The following RPLP2 variants were observed in gnomAD, a reference collection of about 807,000 sequenced individuals.
RPLP2 encodes large ribosomal subunit protein P2.
RPLP2 carries 1 observed loss-of-function variant against 11.5 expected under a neutral mutation model. The ratio of observed to expected loss-of-function variants is 0.09; its 90% CI spans 0.03 to 0.41. The LOEUF (loss-of-function observed/expected upper bound fraction) is 0.41. RPLP2 is among the 10% of genes least tolerant of loss of function. The pLI is 0.98. For synonymous variants in RPLP2, 82 were observed against 55.9 expected, an observed-to-expected ratio of 1.47 and a Z score of -2.08; for missense variants, 177 against 145.6, an observed-to-expected ratio of 1.22 and a Z score of -1.11.
rs756980594 is a variant in RPLP2, at chr11:812,871, C to T, written c.*35C>T. ...CCCCTGCAAATAAAGCCTTTTTACA[C>T]ATCTCTCAAGTATTCCATGAGCACT... On this transcript the variant is annotated 3_prime_UTR_variant, in exon 5 of 5. Coordinates refer to ENST00000321153, the MANE Select transcript of RPLP2 (RefSeq NM_001004.4). 1.2e-6 allele frequency: 2 copies of T among 1,606,212 alleles called. No individual in the cohort carries two copies.
chr11:811,510 A>C (rs1403640681), intron 2 of RPLP2, 87 bp from the exon 3 acceptor site: 8 of 1,538,318 alleles, frequency 5.2e-6, no homozygotes, highest in Non-Finnish European at 6.3e-6. Context: ...CATGTGGGGA[A>C]CCCAGTCCTG....
chr11:812,300 C>T, intron 3 of RPLP2: 3 of 570,612 alleles, frequency 5.3e-6, no homozygotes, highest in Non-Finnish European at 9.4e-6. Flanking sequence ...GGCAGGCAGG[C>T]AGTGTGGGCC....
chr11:812,137 T>G (rs138860783), intron 3 of RPLP2: 4 of 379,932 alleles, frequency 1.1e-5, no homozygotes, highest in Non-Finnish European at 2.0e-5. Context: ...CTTCCATGCA[T>G]GTGACCACGA....
chr11:812,489 C>T, intron 3 of RPLP2, 46 bp from the exon 4 acceptor site: 1 of 1,600,824 alleles, frequency 6.2e-7, no homozygotes, highest in Non-Finnish European at 8.5e-7. Context: ...GGAACAGCCT[C>T]CCAGGCTGGG....
rs200379305 is a variant in RPLP2 at position 811,591 on chromosome 11, C to T, written c.124-6C>T. 3.8e-4 allele frequency: 615 copies of T among 1,614,062 alleles called. No homozygotes were observed. The highest frequency in any genetic ancestry group is 4.9e-4 in the Non-Finnish European group (574 of 1,180,006). ...CTGGTAACAGCCCTGTGATTGTCTG[C>T]TTCAGGTTATCAGTGAGCTGAATGG... On this transcript the variant is annotated splice_region_variant and splice_polypyrimidine_tract_variant and intron_variant, in intron 2 of 4. Transcript: ENST00000321153.
At chr11:810,849 G>A (rs575495979) in intron 2 of RPLP2, among the ~76,000 whole-genome samples, 1 of 149,736 alleles carries the variant, frequency 6.7e-6, no homozygotes, top group Non-Finnish European at 1.5e-5. Context: ...ACAAGCTTTG[G>A]AAGTTTAATA....
intron 4 of RPLP2, 39 bp from the exon 5 acceptor site, chr11:812,721 C>G (rs1189013569): frequency 1.2e-6 from 2 of 1,613,026 alleles, no homozygotes; most frequent in Non-Finnish European, 1.7e-6. Flanking sequence ...TGGCCTGGCA[C>G]TTGGGCAGTG....
intron 3 of RPLP2, chr11:811,960 C>T: frequency 1.8e-6 from 1 of 562,650 alleles, no homozygotes; most frequent in South Asian, 1.8e-5. Context: ...TTCACGTCAG[C>T]AGTCCTTACC....
intron 2 of RPLP2, 43 bp downstream of exon 2, chr11:810,400 G>A (rs1281510561): frequency 1.3e-6 from 2 of 1,583,128 alleles, no homozygotes; most frequent in East Asian, 2.3e-5. Context: ...GGGCCCCAGT[G>A]TCCCATACAG....
Position 812,764 on chromosome 11 carries a change from G to A in RPLP2, c.276G>A (p.Glu92=). The part of the protein sequence containing the change: ...PAAGSAPAAA[E]EKKDEKKEES... ...TGCCTCTCCTCTGTTCCACAGCAGA[G>A]GAGAAGAAAGATGAGAAGAAGGAGG... is the stretch of plus-strand genomic sequence containing the variant. Residue 92 remains glutamate, a synonymous_variant, in exon 5 of 5, where the codon GAG becomes GAA. Coordinates refer to ENST00000321153, the MANE Select transcript of RPLP2 (RefSeq NM_001004.4). 6.2e-7 allele frequency: 1 copy of A among 1,613,844 alleles called. No homozygotes were observed. Among genetic ancestry groups the A allele is most frequent in the Non-Finnish European group, 8.5e-7 (1 of 1,179,858 alleles).
chr11:810,745 C>T (rs1438869505), intron 2 of RPLP2, among the ~76,000 whole-genome samples: 1 of 150,366 alleles, frequency 6.7e-6, no homozygotes, highest in Non-Finnish European at 1.5e-5. Context: ...CGGATCGTGC[C>T]ACTGTACTCC....
At chr11:810,861 C>T (rs1027616772) in intron 2 of RPLP2, among the ~76,000 whole-genome samples, 9 of 147,466 alleles carry the variant, frequency 6.1e-5, no homozygotes, top group Non-Finnish European at 1.3e-4. Flanking sequence ...AGTTTAATAC[C>T]AGTGAGCTGC....
At chr11:811,696 C>G (rs1168716695) in intron 3 of RPLP2, 51 bp downstream of exon 3, 3 of 1,610,900 alleles carry the variant, frequency 1.9e-6, no homozygotes, top group Non-Finnish European at 2.5e-6. Context: ...CATCCTAATC[C>G]CTGCCGGTCC....
At position 810,369 on chromosome 11, in the gene RPLP2, C is replaced by G. The variant is rs572766158; in HGVS notation, c.123+12C>G. On this transcript the variant is annotated intron_variant, in intron 2 of 4. Transcript: ENST00000321153. ...ACCGGCTCAACAAGGTAGCGGCCGC[C>G]CTTGCCCCGCAGCCGCCGTGGGGCC... The G allele has an allele frequency of 5.6e-4, 902 of 1,601,702 alleles. 10 individuals carry two copies. The South Asian group carries it at 9.4e-3, about 17-fold the overall frequency.
intron 1 of RPLP2, 95 bp from the exon 2 acceptor site, chr11:810,139 C>A: frequency 7.4e-7 from 1 of 1,358,996 alleles, no homozygotes; most frequent in Non-Finnish European, 9.6e-7. Flanking sequence ...GGCCTACGGG[C>A]CGAGCCACGC....
At chr11:810,477 G>A (rs544916580) in intron 2 of RPLP2, 120 bp downstream of exon 2, 3 of 1,039,788 alleles carry the variant, frequency 2.9e-6, no homozygotes, top group South Asian at 1.7e-5. Context: ...CAGTCTAGTT[G>A]GCGATTTCTT....
intron 2 of RPLP2, 170 bp downstream of exon 2, chr11:810,527 C>T (rs1866000260): frequency 1.0e-5 from 6 of 588,356 alleles, no homozygotes; most frequent in East Asian, 3.3e-5. Context: ...GGCGCGGTGG[C>T]TCACGCCTGT....
rs775939404 is a variant in RPLP2, at chr11:811,633, G to A, written c.160G>A (p.Val54Ile). The change falls in exon 3 of 5, where the codon GTC becomes ATC. Residue 54 changes from valine to isoleucine, a missense_variant. Transcript: ENST00000321153. Reference sequence around the variant, plus strand: ...GCTGAATGGAAAAAACATTGAAGACGTCATTGCCCAGGGTGAGTTGATGTG... The same window carrying A: ...GCTGAATGGAAAAAACATTGAAGACATCATTGCCCAGGGTGAGTTGATGTG... ...SELNGKNIED[V>I]IAQGIGKLAS... 6.8e-6 allele frequency: 11 copies of A among 1,614,108 alleles called. No homozygotes were observed. The highest frequency in any genetic ancestry group is 1.7e-5 in the Admixed American group (1 of 60,004).
At chr11:811,436 T>C in intron 2 of RPLP2, 161 bp from the exon 3 acceptor site, 1 of 716,566 alleles carries the variant, frequency 1.4e-6, no homozygotes. Context: ...TTTATATCAC[T>C]TCCCAAGTGA....
Sources: allele counts gnomAD v4.1 joint callset (sites outside exome capture counted in the v4.1 genomes callset), GRCh38; gene constraint gnomAD v4.1.1; transcripts MANE v1.5; gene names NCBI Gene and HGNC (gene_info 2026-07-23, HGNC 2026-07-21).